RBFOX1: variants seen among roughly 807,000 people sequenced by gnomAD.
RBFOX1 encodes the protein RNA binding protein fox-1 homolog 1.
A neutral mutation model predicts 57.7 loss-of-function variants in RBFOX1; 8 were observed. The observed-to-expected ratio is 0.14, with a 90% CI of 0.08 to 0.25. The LOEUF is 0.25. RBFOX1 is among the 10% of genes least tolerant of loss of function. The probability of loss-of-function intolerance (pLI) is 1.00; values close to 1 mark genes in which losing one functional copy is unlikely to be tolerated. For synonymous variants in RBFOX1, 326 were observed against 222.4 expected (o/e 1.47, Z -4.15); for missense variants, 611 against 548.5 (o/e 1.11, Z -1.14).
At chr16:6,709,960 G>A (rs528514909) in intron 3 of RBFOX1, among the ~76,000 whole-genome samples, 147 of 152,228 alleles carry the variant, frequency 9.7e-4, no homozygotes, top group Non-Finnish European at 1.7e-3. Flanking sequence ...TTGTGAGTTG[G>A]CAGACGGCAC....
chr16:7,614,917 T>C (rs2058175264), intron 10 of RBFOX1: 1 of 152,240 alleles, frequency 6.6e-6, no homozygotes, highest in Non-Finnish European at 1.5e-5. Flanking sequence ...GGTTATTATA[T>C]AAAGGTCTTT....
At chr16:7,169,363 C>G (rs1255685979) in intron 4 of RBFOX1, among the ~76,000 whole-genome samples, 4 of 152,122 alleles carry the variant, frequency 2.6e-5, no homozygotes, top group Non-Finnish European at 5.9e-5. Flanking sequence ...TATATTGGGT[C>G]AGATAATTAC....
At chr16:6,430,189 A>T (rs757762414) in intron 2 of RBFOX1, among the ~76,000 whole-genome samples, 2 of 152,038 alleles carry the variant, frequency 1.3e-5, no homozygotes, top group African/African-American at 4.8e-5. Context: ...GTATGTCTTT[A>T]TTAGCGGCAT....
At chr16:6,093,824 T>A (rs2096210131) in intron 1 of RBFOX1, among the ~76,000 whole-genome samples, 1 of 152,032 alleles carries the variant, frequency 6.6e-6, no homozygotes, top group South Asian at 2.1e-4. Flanking sequence ...CTCACTGTGT[T>A]GCCCAGGCTG....
intron 4 of RBFOX1, among the ~76,000 whole-genome samples, chr16:7,244,866 A>G (rs1346779863): frequency 6.6e-6 from 1 of 152,196 alleles, no homozygotes; most frequent in Non-Finnish European, 1.5e-5. Flanking sequence ...AATAAGAGAT[A>G]TTCCTCTACT....
intron 3 of RBFOX1, among the ~76,000 whole-genome samples, chr16:6,797,743 T>TG (rs2084418634): frequency 6.6e-6 from 1 of 152,138 alleles, no homozygotes; most frequent in South Asian, 2.1e-4. Context: ...CGTTGGCTCT[T>TG]GGGGTCCATT....
At chr16:5,467,240 C>T in exon 2 of RBFOX1, 1 of 1,501,350 alleles carries the variant, frequency 6.7e-7, no homozygotes, top group Non-Finnish European at 9.0e-7. Flanking sequence ...GCCATACAGC[C>T]TGGTTGAGGG....
At chr16:6,447,164 C>T (rs893108335) in intron 2 of RBFOX1, among the ~76,000 whole-genome samples, 3 of 152,044 alleles carry the variant, frequency 2.0e-5, no homozygotes, top group Non-Finnish European at 4.4e-5. Flanking sequence ...TTCCTTCAAG[C>T]GTTGCATTAT....
At chr16:5,735,095 A>C (rs1283067497) in intron 3 of RBFOX1, among the ~76,000 whole-genome samples, 1 of 152,214 alleles carries the variant, frequency 6.6e-6, no homozygotes, top group African/African-American at 2.4e-5. Context: ...CATATGGTTT[A>C]TCCAGCTTTC....
chr16:6,958,927 C>T (rs2153541525), intron 3 of RBFOX1, among the ~76,000 whole-genome samples: 1 of 152,124 alleles, frequency 6.6e-6, no homozygotes, highest in East Asian at 1.9e-4. Context: ...TATTCTCCAT[C>T]CTGACATAGG....
At chr16:5,401,800 CCTCCTCCTT>C (rs2066724624) in intron 1 of RBFOX1, among the ~76,000 whole-genome samples, 2 of 151,764 alleles carry the variant, frequency 1.3e-5, no homozygotes, top group Non-Finnish European at 2.9e-5. Context: ...TCCTCTTTCT[CCTCCTCCTT>C]CTCCTTCTCG....
Position 6,091,979 on chromosome 16 carries a change from C to G in RBFOX1, c.-127+71987C>G, listed in dbSNP as rs114936929. 2.9e-3 allele frequency among the ~76,000 whole-genome samples: 446 copies of G among 152,320 alleles called. 3 individuals are homozygous for G. The highest frequency in any genetic ancestry group is 9.6e-3 in the African/African-American group (399 of 41,576). On this transcript the variant is annotated intron_variant, in intron 1 of 15. Coordinates refer to ENST00000550418, the MANE Select transcript of RBFOX1 (RefSeq NM_018723.4). ...TCTACCCATGCATCTATGTGTCTGT[C>G]CATTCATCCACTCATTCCTCCATCT...
chr16:7,321,372 C>T (rs1256961924), intron 4 of RBFOX1, among the ~76,000 whole-genome samples: 1 of 152,146 alleles, frequency 6.6e-6, no homozygotes, highest in Admixed American at 6.5e-5. Flanking sequence ...TCTTGAACTC[C>T]TGACCTCAAG....
At chr16:5,827,403 G>C (rs4435253) in intron 3 of RBFOX1, among the ~76,000 whole-genome samples, 1 of 137,670 alleles carries the variant, frequency 7.3e-6, no homozygotes, top group South Asian at 2.3e-4. Flanking sequence ...CCATCTCAGG[G>C]AAAAAAAAAA....
chr16:5,502,146 G>A (rs17137969), intron 2 of RBFOX1, among the ~76,000 whole-genome samples: 5,119 of 152,182 alleles, frequency 0.034, 230 homozygotes, highest in African/African-American at 0.1. Context: ...CTAAACTAGG[G>A]GAAGAAATCA....
chr16:5,477,394 C>A (rs993410483), intron 2 of RBFOX1, among the ~76,000 whole-genome samples: 4 of 152,126 alleles, frequency 2.6e-5, no homozygotes, highest in African/African-American at 4.8e-5. Flanking sequence ...ATCTCACGAC[C>A]AATCAAATAC....
chr16:5,418,946 G>T (rs1436603121), intron 1 of RBFOX1, among the ~76,000 whole-genome samples: 1 of 152,204 alleles, frequency 6.6e-6, no homozygotes, highest in Non-Finnish European at 1.5e-5. Flanking sequence ...GGTGAAGGCA[G>T]CCAGGAGAGT....
At chr16:7,536,014 A>G (rs1480095290) in intron 5 of RBFOX1, among the ~76,000 whole-genome samples, 2 of 152,214 alleles carry the variant, frequency 1.3e-5, no homozygotes, top group East Asian at 1.9e-4. Context: ...TGTACAGTCT[A>G]CCGTAACACA....
At chr16:6,370,778 C>A (rs1484261311) in intron 2 of RBFOX1, among the ~76,000 whole-genome samples, 1 of 152,126 alleles carries the variant, frequency 6.6e-6, no homozygotes, top group Non-Finnish European at 1.5e-5. Flanking sequence ...CACAAGAATG[C>A]AAATGTTCTT....
Sources: allele counts gnomAD v4.1 joint callset (sites outside exome capture counted in the v4.1 genomes callset), GRCh38; gene constraint gnomAD v4.1.1; transcripts MANE v1.5; gene names NCBI Gene and HGNC (gene_info 2026-07-23, HGNC 2026-07-21).